ZNF615: variants seen among roughly 807,000 people sequenced by gnomAD.
ZNF615 encodes zinc finger protein 615.
ZNF615 carries 15 observed loss-of-function variants against 15.3 expected under a neutral mutation model. That is an observed-to-expected ratio of 0.98 (90% confidence interval 0.66 to 1.51). The LOEUF is 1.51. ZNF615 is among the 40% of genes most tolerant of loss of function. ZNF615 has a pLI of 0.00. For synonymous variants in ZNF615, 268 were observed against 294.6 expected (o/e 0.91, Z 0.92); for missense variants, 848 against 895.9 (o/e 0.95, Z 0.68).
rs769474830 is a variant in ZNF615, at chr19:51,994,228, A to G, written c.881T>C (p.Met294Thr). The change falls in exon 7 of 7, where the codon ATG (methionine) becomes ACG (threonine). Residue 294 changes from methionine (M) to threonine (T), a missense_variant. Met to Thr is a moderately conservative substitution (Grantham distance 81, BLOSUM62 -1). Transcript: ENST00000598071. ...SQLNIHQKTH[M>T]GGKPYTCSQC... The stretch of plus-strand genomic sequence containing the variant: ...GCTACATGTGTAAGGTTTCCCTCCC[A>G]TATGAGTTTTCTGATGTATATTGAG... 2.5e-6 allele frequency: 4 copies of G among 1,614,026 alleles called. No homozygotes were observed. Among genetic ancestry groups the G allele is most frequent in the Non-Finnish European group, 3.4e-6 (4 of 1,180,018 alleles).
chr19:51,993,601 C>G lies in ZNF615; in HGVS notation c.1508G>C (p.Gly503Ala), dbSNP rs371662547. Reference sequence around the variant, plus strand: ...AATAAGGCGGCTCTTCACAGTGAAGCCTTTTCCACAATCATTGCATATATA... The same window carrying G: ...AATAAGGCGGCTCTTCACAGTGAAGGCTTTTCCACAATCATTGCATATATA... ...KPYICNDCGKGFTVKSRLIVH... is the reference protein window; with the variant it reads ...KPYICNDCGKAFTVKSRLIVH... Residue 503 changes from glycine to alanine, a missense_variant, in exon 7 of 7, where the codon GGC becomes GCC. By Grantham distance (60) the Gly-to-Ala change is moderately conservative. Coordinates refer to ENST00000598071, the MANE Select transcript of ZNF615 (RefSeq NM_001199324.2). 5 of 1,613,912 alleles carry G rather than the reference C, an allele frequency of 3.1e-6. No homozygotes were observed. The highest frequency in any genetic ancestry group is 1.7e-5 in the Admixed American group (1 of 59,976).
chr19:51,999,064 A>T (rs998645292), intron 6 of ZNF615, among the ~76,000 whole-genome samples: 1 of 152,254 alleles, frequency 6.6e-6, no homozygotes, highest in African/African-American at 2.4e-5. Context: ...TCTATATTCT[A>T]GCAATGAATA....
chr19:51,993,701 T>C lies in ZNF615; in HGVS notation c.1408A>G (p.Thr470Ala). 1.2e-6 allele frequency: 2 copies of C among 1,614,076 alleles called. No individual in the cohort carries two copies. Among genetic ancestry groups the C allele is most frequent in the Non-Finnish European group, 1.7e-6 (2 of 1,180,004 alleles). The change falls in exon 7 of 7, where the codon ACC (threonine) becomes GCC (alanine). Residue 470 changes from threonine (T) to alanine (A), a missense_variant. Thr to Ala is a moderately conservative substitution (Grantham distance 58, BLOSUM62 0). Coordinates refer to ENST00000598071, the MANE Select transcript of ZNF615 (RefSeq NM_001199324.2). The part of the protein sequence containing the change: ...THTGEKPYVC[T>A]ECRKGFTMKS... ...ATGGTGAAACCTTTTCGACATTCGGTGCATACATAGGGTTTCTCTCCAGTA... is the reference window on the plus strand; with the variant it reads ...ATGGTGAAACCTTTTCGACATTCGGCGCATACATAGGGTTTCTCTCCAGTA...
At position 51,993,828 on chromosome 19, in the gene ZNF615, C is replaced by G. The variant is rs1163243122; in HGVS notation, c.1281G>C (p.Met427Ile). The change falls in exon 7 of 7, where the codon ATG becomes ATC. Residue 427 changes from methionine to isoleucine, a missense_variant. Physicochemically the swap from Met to Ile is conservative, Grantham distance 10 (BLOSUM62 1). Coordinates refer to ENST00000598071, the MANE Select transcript of ZNF615 (RefSeq NM_001199324.2). ...CTCCAGTATGAGTTCGTTGATGTAC[C>G]ATGAGACAGTGCTTCATTGAAAAGC... Reference protein sequence around the residue: ...GKGFSMKHCLMVHQRTHTGEK... With the variant: ...GKGFSMKHCLIVHQRTHTGEK... The G allele has an allele frequency of 5.6e-6, 9 of 1,613,594 alleles. No individual in the cohort carries two copies. Among genetic ancestry groups the G allele is most frequent in the Non-Finnish European group, 7.6e-6 (9 of 1,179,912 alleles).
In ZNF615 at chr19:51,994,442, C is replaced by T. The variant is rs770684290; in HGVS notation, c.667G>A (p.Ala223Thr). ...ATAAACTGAGACAACTTGAGGAAGGCTTTCCCACATTCACTGCATACATGG... is the reference window on the plus strand; with the variant it reads ...ATAAACTGAGACAACTTGAGGAAGGTTTTCCCACATTCACTGCATACATGG... ...NAHVCSECGKAFLKLSQFIDH... is the reference protein window; with the variant it reads ...NAHVCSECGKTFLKLSQFIDH... Residue 223 changes from alanine to threonine, a missense_variant, in exon 7 of 7, where the codon GCC becomes ACC. Ala to Thr is a moderately conservative substitution (Grantham distance 58). Coordinates refer to ENST00000598071, the MANE Select transcript of ZNF615 (RefSeq NM_001199324.2). The T allele has an allele frequency of 1.2e-6, 2 of 1,614,182 alleles. No individual in the cohort carries two copies. The highest frequency in any genetic ancestry group is 1.7e-6 in the Non-Finnish European group (2 of 1,180,018).
In ZNF615 at chr19:52,008,208, G is replaced by A. The variant is rs770735144; in HGVS notation, c.-295C>T. 5 of 1,526,872 alleles carry A rather than the reference G, an allele frequency of 3.3e-6. No individual in the cohort carries two copies. Among genetic ancestry groups the A allele is most frequent in the South Asian group, 2.4e-5 (2 of 83,370 alleles). 94.6% of individuals were successfully genotyped at this position (1,526,872 alleles called of 1,614,324 possible). ...TCAGTGCCTGACGGCGACTATCCAG[G>A]GTCGGAGGCGTTCCCAGCGTTTGCG... On this transcript the variant is annotated 5_prime_UTR_variant, in exon 1 of 7. Coordinates refer to ENST00000598071, the MANE Select transcript of ZNF615 (RefSeq NM_001199324.2).
At chr19:51,997,244 G>A (rs1297431150) in intron 6 of ZNF615, among the ~76,000 whole-genome samples, 2 of 152,168 alleles carry the variant, frequency 1.3e-5, no homozygotes, top group South Asian at 4.1e-4. Context: ...GATTGAGGCT[G>A]CAGTGAGCCA....
chr19:52,005,250 T>C (rs915469081), intron 2 of ZNF615, among the ~76,000 whole-genome samples: 2 of 148,168 alleles, frequency 1.3e-5, no homozygotes, highest in Non-Finnish European at 3.0e-5. Context: ...CAGAGTGAGA[T>C]TCTATCTCAA....
At chr19:51,995,204 A>G (rs1282393277) in intron 6 of ZNF615, among the ~76,000 whole-genome samples, 1 of 152,240 alleles carries the variant, frequency 6.6e-6, no homozygotes, top group East Asian at 1.9e-4. Context: ...CTTACACATA[A>G]AGGAAATTCC....
In ZNF615 at chr19:52,003,800, C is replaced by T; in HGVS notation, c.-89G>A. The stretch of plus-strand genomic sequence containing the variant: ...GCTCTAAATTTCGGTTCAAAAACTT[C>T]AATCTCCAATCAAGGATGTCCCCAG... On this transcript the variant is annotated 5_prime_UTR_variant, in exon 3 of 7. The change abolishes the stop of an existing upstream ORF in the 5' untranslated region. Transcript: ENST00000598071. 6.3e-7 allele frequency: 1 copy of T among 1,585,004 alleles called. No homozygotes were observed. Among genetic ancestry groups the T allele is most frequent in the Middle Eastern group, 1.7e-4 (1 of 5,926 alleles).
Position 51,993,226 on chromosome 19 carries a change from G to C in ZNF615, c.1883C>G (p.Thr628Ser), listed in dbSNP as rs1229351384. 1 of 1,614,152 alleles carries C rather than the reference G, an allele frequency of 6.2e-7. No homozygotes were observed. The highest frequency in any genetic ancestry group is 2.2e-5 in the East Asian group (1 of 44,876). The change falls in exon 7 of 7, where the codon ACT becomes AGT. Residue 628 changes from threonine to serine, a missense_variant. Physicochemically the swap from Thr to Ser is moderately conservative, Grantham distance 58 (BLOSUM62 1). Transcript: ENST00000598071. ...MKSTLSIHQQ[T>S]HTGEKPYKCN... ...TTTGTATGGCTTCTCTCCAGTATGA[G>C]TTTGCTGATGTATACTGAGAGTACT...
Position 52,000,398 on chromosome 19 carries a change from G to C in ZNF615, c.239-20C>G. 1.6e-6 allele frequency: 1 copy of C among 615,552 alleles called. No homozygotes were observed. Among genetic ancestry groups the C allele is most frequent in the South Asian group, 2.0e-5 (1 of 49,922 alleles). The allele number at this position is 615,552 out of a possible 1,614,324, so 38.1% of individuals were successfully genotyped here. On this transcript the variant is annotated intron_variant, in intron 5 of 6. Transcript: ENST00000598071. ...CTGAATCTAAAATAAAAACATAAAA[G>C]ATAAAATAAAATTAAAAAAATAAAA...
At chr19:52,008,111 C>G in intron 1 of ZNF615, 30 bp downstream of exon 1, 1 of 1,534,058 alleles carries the variant, frequency 6.5e-7, no homozygotes, top group Non-Finnish European at 8.7e-7. Flanking sequence ...TCCCCCGTCA[C>G]CACAGCGACC....
Position 51,994,012 on chromosome 19 carries a change from T to A in ZNF615, c.1097A>T (p.Glu366Val). 1 of 1,612,242 alleles carries A rather than the reference T, an allele frequency of 6.2e-7. No homozygotes were observed. The highest frequency in any genetic ancestry group is 1.1e-5 in the South Asian group (1 of 90,810). ...ICSECGKGFI[E>V]KRRLTAHHRT... The stretch of plus-strand genomic sequence containing the variant: ...ATGATGTGCAGTAAGACGCCTCTTC[T>A]CAATGAAGCCTTTTCCACATTCACT... Residue 366 changes from glutamate to valine, a missense_variant, in exon 7 of 7, where the codon GAG (glutamate) becomes GTG (valine). Transcript: ENST00000598071.
chr19:51,993,257 T>C lies in ZNF615; in HGVS notation c.1852A>G (p.Met618Val), dbSNP rs747103773. Residue 618 changes from methionine (M) to valine (V), a missense_variant, in exon 7 of 7, where the codon ATG (methionine) becomes GTG (valine). By Grantham distance (21) the Met-to-Val change is conservative. Coordinates refer to ENST00000598071, the MANE Select transcript of ZNF615 (RefSeq NM_001199324.2). ...TGATGTATACTGAGAGTACTCTTCA[T>C]GGTGAAGCCCTTTCCACATTCATTG... ...ICNECGKGFT[M>V]KSTLSIHQQT... 36 of 1,614,052 alleles carry C rather than the reference T, an allele frequency of 2.2e-5. No individual in the cohort carries two copies. The highest frequency in any genetic ancestry group is 8.5e-7 in the Non-Finnish European group (1 of 1,180,020).
chr19:52,001,787 T>C (rs1294100725), intron 5 of ZNF615, 26 bp downstream of exon 5: 1 of 1,601,584 alleles, frequency 6.2e-7, no homozygotes, highest in Non-Finnish European at 8.6e-7. Flanking sequence ...TCTGTGGCTG[T>C]CCACCTGGCT....
intron 6 of ZNF615, 74 bp from the exon 7 acceptor site, chr19:51,994,911 CT>C (rs1226478255): frequency 9.3e-6 from 13 of 1,403,300 alleles, no homozygotes; most frequent in Non-Finnish European, 1.2e-5. Context: ...TTTTTTAAAA[CT>C]GCCTTGGTGT....
intron 6 of ZNF615, among the ~76,000 whole-genome samples, chr19:51,997,153 A>AC (rs2086463769): frequency 1.3e-5 from 2 of 152,034 alleles, no homozygotes; most frequent in Non-Finnish European, 2.9e-5. Context: ...ACCTTTCTCT[A>AC]TAAAAAATAC....
intron 6 of ZNF615, among the ~76,000 whole-genome samples, chr19:51,999,359 T>C (rs2123045958): frequency 6.6e-6 from 1 of 152,286 alleles, no homozygotes; most frequent in South Asian, 2.1e-4. Flanking sequence ...TTACAACTGA[T>C]TCTAAACTTC....
Sources: gnomAD v4.1 joint callset for allele counts (sites outside exome capture counted in the v4.1 genomes callset) on GRCh38, gnomAD v4.1.1 for gene constraint, MANE v1.5 for transcripts, NCBI Gene and HGNC (gene_info 2026-07-23, HGNC 2026-07-21) for gene names.